Variants in SLC22A25 observed in about 807,000 individuals in gnomAD.
The protein encoded by SLC22A25 is MGI:2442751, MGI:2385316, MGI:3042283, MGI:3645714, MGI:3605624, MGI:2442750.
SLC22A25 carries 44 observed loss-of-function variants against 45.9 expected under a neutral mutation model. The observed-to-expected ratio is 0.96, with a 90% CI of 0.75 to 1.23. The LOEUF is 1.23. Among genes scored for constraint, SLC22A25 ranks in the 50% most tolerant of loss-of-function variants. SLC22A25 has a pLI of 0.00. For synonymous variants in SLC22A25, 283 were observed against 238.6 expected, an observed-to-expected ratio of 1.19 and a Z score of -1.72; for missense variants, 800 against 666.4, an observed-to-expected ratio of 1.20 and a Z score of -2.21.
chr11:63,176,066 C>G (rs10792403), intron 9 of SLC22A25, among the ~76,000 whole-genome samples: 74,370 of 151,742 alleles, frequency 0.49, 19,150 homozygotes, highest in Non-Finnish European at 0.57. Flanking sequence ...CCATTCTGTT[C>G]CATTGGTCTA....
At chr11:63,239,831 C>T (rs143852996) in intron 1 of SLC22A25, among the ~76,000 whole-genome samples, 18 of 152,210 alleles carry the variant, frequency 1.2e-4, no homozygotes, top group African/African-American at 4.1e-4. Context: ...TTTCGGGGCT[C>T]GTTCCAGGGA....
chr11:63,209,666 T>C (rs975897643), intron 7 of SLC22A25, among the ~76,000 whole-genome samples: 3 of 152,104 alleles, frequency 2.0e-5, no homozygotes, highest in African/African-American at 7.2e-5. Context: ...GCTCTAGGGT[T>C]TACGTTTATC....
In SLC22A25 at chr11:63,164,173, A is replaced by T. The variant is rs555906319; in HGVS notation, c.1395-100T>A. The T allele has an allele frequency of 5.8e-5, 83 of 1,425,108 alleles. 1 individual carries two copies. In the East Asian group the frequency reaches 1.3e-3, roughly 23 times the overall value. The allele number at this position is 1,425,108 out of a possible 1,614,324, so 88.3% of individuals were successfully genotyped here. ...TGATTATGGATGAGCACTTAAACAC[A>T]TGGAGGTGATAACATACTCTTGCTT... On this transcript the variant is annotated intron_variant, in intron 11 of 11. Coordinates refer to ENST00000306494, the MANE Select transcript of SLC22A25 (RefSeq NM_199352.6).
chr11:63,234,547 G>T lies in SLC22A25; in HGVS notation c.-445+3334C>A, dbSNP rs191518829. 2.0e-3 allele frequency among the ~76,000 whole-genome samples: 304 copies of T among 152,246 alleles called. 1 individual carries two copies. Among genetic ancestry groups the T allele is most frequent in the African/African-American group, 6.8e-3 (284 of 41,530 alleles). ...TATGTGTGTCTCTGCAAGTGACATG[G>T]GTTTCCTGAATACAGCACACTGATG... On this transcript the variant is annotated intron_variant, in intron 3 of 11. Transcript: ENST00000306494.
Position 63,218,022 on chromosome 11 carries a change from A to G in SLC22A25, c.507-287T>C. ...CAGGCTGGGATGTTGAAATGTTAAC[A>G]CACCAGAAATGTCCCTTGTGAAGAC... On this transcript the variant is annotated intron_variant, in intron 5 of 11. Coordinates refer to ENST00000306494, the MANE Select transcript of SLC22A25 (RefSeq NM_199352.6). 27 of 578,658 alleles carry G rather than the reference A, an allele frequency of 4.7e-5. 1 individual carries two copies. Among genetic ancestry groups the G allele is most frequent in the South Asian group, 4.1e-4 (26 of 63,588 alleles). 35.8% of individuals were successfully genotyped at this position (578,658 alleles called of 1,614,324 possible).
rs1287086883 is a variant in SLC22A25 at position 63,217,474 on chromosome 11, A to T, written c.670T>A (p.Trp224Arg). Residue 224 changes from tryptophan (W) to arginine (R), a missense_variant, in exon 7 of 12, where the codon TGG (tryptophan) becomes AGG (arginine). Coordinates refer to ENST00000306494, the MANE Select transcript of SLC22A25 (RefSeq NM_199352.6). ...IVNTVLLIVE[W>R]ITHQFCAMAL... Reference sequence around the variant, plus strand: ...ATGGCACAGAATTGGTGAGTTATCCACTCTACAACTGAAAGAAAACACAAA... The same window carrying T: ...ATGGCACAGAATTGGTGAGTTATCCTCTCTACAACTGAAAGAAAACACAAA... 1 of 1,613,726 alleles carries T rather than the reference A, an allele frequency of 6.2e-7. No individual in the cohort carries two copies. The highest frequency in any genetic ancestry group is 2.2e-5 in the East Asian group (1 of 44,852).
intron 7 of SLC22A25, among the ~76,000 whole-genome samples, chr11:63,197,961 A>G (rs1176441659): frequency 6.6e-6 from 1 of 152,214 alleles, no homozygotes; most frequent in Non-Finnish European, 1.5e-5. Context: ...GCAGCCAAAA[A>G]ACACATGAAA....
Position 63,180,728 on chromosome 11 carries a change from C to A in SLC22A25, c.1002G>T (p.Lys334Asn). The change falls in exon 9 of 12, where the codon AAG becomes AAT. Residue 334 changes from lysine (K) to asparagine (N), a missense_variant. Coordinates refer to ENST00000306494, the MANE Select transcript of SLC22A25 (RefSeq NM_199352.6). ...TGCGGAGCAATTCACAAAGAGAATG[C>A]TTTTTCTGTGCTGCCTCCAGTTCTT... ...MKQELEAAQK[K>N]HSLCELLRIP... The A allele has an allele frequency of 3.1e-6, 5 of 1,613,160 alleles. No homozygotes were observed. Among genetic ancestry groups the A allele is most frequent in the Non-Finnish European group, 4.2e-6 (5 of 1,179,504 alleles).
chr11:63,193,988 A>G (rs960278879), intron 7 of SLC22A25, among the ~76,000 whole-genome samples: 1 of 152,248 alleles, frequency 6.6e-6, no homozygotes, highest in Non-Finnish European at 1.5e-5. Context: ...TGGAGCTGAA[A>G]ACCATGGCAT....
intron 9 of SLC22A25, chr11:63,167,998 C>A (rs766863239): frequency 2.7e-5 from 10 of 372,880 alleles, no homozygotes; most frequent in Non-Finnish European, 1.6e-5. Flanking sequence ...TGTTCTGCAA[C>A]CTCCGCTGGT....
intron 3 of SLC22A25, among the ~76,000 whole-genome samples, chr11:63,232,313 C>A (rs1349488576): frequency 6.6e-6 from 1 of 152,112 alleles, no homozygotes; most frequent in East Asian, 1.9e-4. Flanking sequence ...TTTGATTGAG[C>A]AGTGGTTTGT....
intron 7 of SLC22A25, among the ~76,000 whole-genome samples, chr11:63,203,143 C>T (rs1282653384): frequency 6.6e-6 from 1 of 152,026 alleles, no homozygotes; most frequent in Non-Finnish European, 1.5e-5. Flanking sequence ...ACACAAAAAC[C>T]CCATCTGAAG....
At chr11:63,213,539 G>C (rs1455440034) in intron 7 of SLC22A25, among the ~76,000 whole-genome samples, 1 of 152,186 alleles carries the variant, frequency 6.6e-6, no homozygotes, top group African/African-American at 2.4e-5. Context: ...TAGTTCGGGT[G>C]CCACACGCTG....
chr11:63,164,664 G>A (rs1377066608), intron 10 of SLC22A25, 30 bp from the exon 11 acceptor site: 1 of 1,561,032 alleles, frequency 6.4e-7, no homozygotes, highest in Admixed American at 1.7e-5. Flanking sequence ...AGGGCCTCAG[G>A]AAATCTGAGC....
intron 1 of SLC22A25, among the ~76,000 whole-genome samples, chr11:63,240,843 A>G (rs1389770422): frequency 2.0e-5 from 3 of 152,274 alleles, no homozygotes; most frequent in South Asian, 2.1e-4. Context: ...GTCTGTGTAA[A>G]TGGTACTCCC....
intron 9 of SLC22A25, among the ~76,000 whole-genome samples, chr11:63,178,831 A>AT (rs780930967): frequency 4.6e-5 from 7 of 150,568 alleles, no homozygotes; most frequent in Admixed American, 6.6e-5. Flanking sequence ...TCCATTTGTC[A>AT]TTTTTTTTGC....
rs752721223 is a variant in SLC22A25 at position 63,166,060 on chromosome 11, G to T, written c.1269C>A (p.Ile423=). 1.2e-6 allele frequency: 2 copies of T among 1,613,888 alleles called. No individual in the cohort carries two copies. Among genetic ancestry groups the T allele is most frequent in the Non-Finnish European group, 1.7e-6 (2 of 1,179,880 alleles). The change falls in exon 10 of 12, where the codon ATC becomes ATA. Residue 423 remains isoleucine (I), a synonymous_variant. Coordinates refer to ENST00000306494, the MANE Select transcript of SLC22A25 (RefSeq NM_199352.6). Reference sequence around the variant, plus strand: ...TTTTCTCACCTTGAGGCACAAATATGATGGCCAGAAGGCAGGTTGCCAGTA... The same window carrying T: ...TTTTCTCACCTTGAGGCACAAATATTATGGCCAGAAGGCAGGTTGCCAGTA... The part of the protein sequence containing the change: ...MFLLATCLLA[I]IFVPQEMQTL...
intron 7 of SLC22A25, among the ~76,000 whole-genome samples, chr11:63,200,677 GAAAT>G (rs2089210481): frequency 6.6e-6 from 1 of 152,068 alleles, no homozygotes. Context: ...GCAACAGAAA[GAAAT>G]AAAGGGCATC....
intron 7 of SLC22A25, among the ~76,000 whole-genome samples, chr11:63,203,031 C>G (rs2089295035): frequency 6.6e-6 from 1 of 152,144 alleles, no homozygotes; most frequent in Admixed American, 6.5e-5. Flanking sequence ...TGGAGTGGAC[C>G]TCCAGCAAAT....
Sources: gnomAD v4.1 joint callset for allele counts (sites outside exome capture counted in the v4.1 genomes callset) on GRCh38, gnomAD v4.1.1 for gene constraint, MANE v1.5 for transcripts, NCBI Gene and HGNC (gene_info 2026-07-23, HGNC 2026-07-21) for gene names.